The following ZNF676 variants were observed in gnomAD, a reference collection of about 807,000 sequenced individuals.
ZNF676 encodes the protein zinc finger protein 676.
Under a neutral mutation model 6.0 loss-of-function variants are expected in ZNF676, and 4 were observed. The ratio of observed to expected loss-of-function variants is 0.67; its 90% confidence interval spans 0.33 to 1.53. The LOEUF (loss-of-function observed/expected upper bound fraction) is 1.53. Ranked by LOEUF, ZNF676 falls within the 40% of genes most tolerant of loss-of-function variation. The pLI is 0.06. For missense variants in ZNF676, 644 were observed against 679.7 expected (o/e 0.95, Z 0.58); for synonymous variants, 198 against 223.1 (o/e 0.89, Z 1.00).
At chr19:22,238,784 G>A in the ZNF676 span, among the ~76,000 whole-genome samples, 2 of 152,190 alleles carry the variant, frequency 1.3e-5, no homozygotes, top group Admixed American at 6.5e-5. Context: ...GGAGTCTGAT[G>A]TTCAAGGGCA....
rs2023903200 is a variant in ZNF676 at position 22,191,244 on chromosome 19, A to C, written c.130+1772T>G. Among the ~76,000 whole-genome samples, 3 of 152,190 alleles carry C rather than the reference A, an allele frequency of 2.0e-5. No homozygotes were observed. The South Asian group carries it at 6.2e-4, about 31-fold the overall frequency. On this transcript the variant is annotated intron_variant, in intron 2 of 2. Transcript: ENST00000397121. ...AAGATTGAGGAGCACCCTTTTCAGAAGGCAAGCTTTCATTCAGGTGGCAAA... is the reference window on the plus strand; with the variant it reads ...AAGATTGAGGAGCACCCTTTTCAGACGGCAAGCTTTCATTCAGGTGGCAAA...
At chr19:22,238,349 C>A in the ZNF676 span, among the ~76,000 whole-genome samples, 1 of 152,144 alleles carries the variant, frequency 6.6e-6, no homozygotes, top group African/African-American at 2.4e-5. Flanking sequence ...CCATGCTCAG[C>A]TGGTGAAAGG....
chr19:22,207,652 A>G (rs2024088708), intron 1 of ZNF676, among the ~76,000 whole-genome samples: 1 of 152,224 alleles, frequency 6.6e-6, no homozygotes, highest in Non-Finnish European at 1.5e-5. Flanking sequence ...AATCATAAGC[A>G]AAAACAAGAA....
At chr19:22,234,770 C>G in the ZNF676 span, among the ~76,000 whole-genome samples, 2 of 151,928 alleles carry the variant, frequency 1.3e-5, no homozygotes, top group African/African-American at 4.8e-5. Context: ...CCCAAGTCTA[C>G]TAAATATACA....
the ZNF676 span, among the ~76,000 whole-genome samples, chr19:22,253,372 GTATA>G: frequency 1.2e-3 from 106 of 90,862 alleles, 1 homozygote; most frequent in African/African-American, 4.1e-3. Flanking sequence ...GTGTGTGTGT[GTATA>G]TATATATATA....
At chr19:22,207,004 G>A (rs1310713345) in intron 1 of ZNF676, among the ~76,000 whole-genome samples, 3 of 152,096 alleles carry the variant, frequency 2.0e-5, no homozygotes, top group Admixed American at 1.3e-4. Flanking sequence ...GACAAAACCT[G>A]GAAGCATTCC....
chr19:22,210,436 T>C (rs1436420104), intron 1 of ZNF676, among the ~76,000 whole-genome samples: 4 of 152,088 alleles, frequency 2.6e-5, no homozygotes, highest in Non-Finnish European at 4.4e-5. Flanking sequence ...AGTAATCTGA[T>C]ACAGCTACTC....
the ZNF676 span, among the ~76,000 whole-genome samples, chr19:22,226,881 G>A: frequency 6.6e-6 from 1 of 152,128 alleles, no homozygotes; most frequent in Non-Finnish European, 1.5e-5. Flanking sequence ...TTACAGAGGT[G>A]AGCCACTGCA....
the ZNF676 span, among the ~76,000 whole-genome samples, chr19:22,230,349 C>G: frequency 6.6e-6 from 1 of 151,804 alleles, no homozygotes; most frequent in Non-Finnish European, 1.5e-5. Flanking sequence ...GACCTGTCAG[C>G]GGGTGGGGGG....
upstream of ZNF676, among the ~76,000 whole-genome samples, chr19:22,199,530 A>G (rs547933113): frequency 4.6e-5 from 7 of 152,340 alleles, 1 homozygote; most frequent in East Asian, 5.8e-4. Flanking sequence ...TAATCCTAAT[A>G]ACACCCTTTC....
chr19:22,217,557 T>G (rs1416929389), upstream of ZNF676, among the ~76,000 whole-genome samples: 3 of 151,586 alleles, frequency 2.0e-5, no homozygotes, highest in East Asian at 5.9e-4. Context: ...CGTTTATAAG[T>G]GAGGAAATAC....
rs374299035 is a variant in ZNF676 at position 22,179,817 on chromosome 19, T to C, written c.*133A>G. Reference sequence around the variant, plus strand: ...TCTCTCCAGCATGAATTTTCTTATGTGTAATAAAGATTGAGGACTGTTTAA... The same window carrying C: ...TCTCTCCAGCATGAATTTTCTTATGCGTAATAAAGATTGAGGACTGTTTAA... On this transcript the variant is annotated 3_prime_UTR_variant, in exon 3 of 3. Coordinates refer to ENST00000397121, the MANE Select transcript of ZNF676 (RefSeq NM_001001411.3). 393 of 1,047,566 alleles carry C rather than the reference T, an allele frequency of 3.8e-4. 3 individuals are homozygous for C. In the African/African-American group the frequency reaches 5.3e-3, roughly 14 times the overall value. 64.9% of individuals were successfully genotyped at this position (1,047,566 alleles called of 1,614,324 possible). A position where few individuals can be genotyped will look rare whatever the true frequency, so the allele number is the denominator to read the frequency against.
the ZNF676 span, among the ~76,000 whole-genome samples, chr19:22,252,360 A>T: frequency 6.8e-6 from 1 of 146,894 alleles, no homozygotes; most frequent in South Asian, 2.2e-4. Context: ...GTGCCACTGC[A>T]TTCCAGCCTG....
At chr19:22,184,556 G>A (rs2023805967) in intron 2 of ZNF676, among the ~76,000 whole-genome samples, 1 of 152,082 alleles carries the variant, frequency 6.6e-6, no homozygotes, top group Non-Finnish European at 1.5e-5. Context: ...TGAAGCCAGG[G>A]AGTCAAGTGG....
chr19:22,238,001 T>G, the ZNF676 span, among the ~76,000 whole-genome samples: 1 of 152,308 alleles, frequency 6.6e-6, no homozygotes, highest in African/African-American at 2.4e-5. Context: ...TCTTAGCAGA[T>G]TTGAGGCTCA....
the ZNF676 span, among the ~76,000 whole-genome samples, chr19:22,255,062 G>A: frequency 1.3e-5 from 2 of 152,092 alleles, no homozygotes; most frequent in Non-Finnish European, 2.9e-5. Flanking sequence ...CTAATTACAC[G>A]AGTCACCATC....
intron 1 of ZNF676, among the ~76,000 whole-genome samples, chr19:22,207,181 A>C (rs2024085018): frequency 6.6e-6 from 1 of 152,242 alleles, no homozygotes; most frequent in Admixed American, 6.5e-5. Context: ...ACATGATTCT[A>C]CATCTGGAAA....
upstream of ZNF676, among the ~76,000 whole-genome samples, chr19:22,201,446 T>A (rs2024024515): frequency 6.6e-6 from 1 of 152,202 alleles, no homozygotes; most frequent in African/African-American, 2.4e-5. Context: ...CCTTGTAAAT[T>A]CCAGGCAGAG....
the ZNF676 span, among the ~76,000 whole-genome samples, chr19:22,254,277 G>A: frequency 6.6e-6 from 1 of 152,024 alleles, no homozygotes; most frequent in Non-Finnish European, 1.5e-5. Flanking sequence ...CTCTCTGTGG[G>A]CACAGCCTTG....
Sources: allele counts gnomAD v4.1 joint callset (sites outside exome capture counted in the v4.1 genomes callset), GRCh38; gene constraint gnomAD v4.1.1; transcripts MANE v1.5; gene names NCBI Gene and HGNC (gene_info 2026-07-23, HGNC 2026-07-21).